PCDHGA4: variants seen among roughly 807,000 people sequenced by gnomAD.
PCDHGA4 encodes protocadherin gamma-A4.
A neutral mutation model predicts 54.6 loss-of-function variants in PCDHGA4; 38 were observed. That is an observed-to-expected ratio of 0.70 (90% CI 0.54 to 0.91). The LOEUF is 0.91. PCDHGA4 is among the 40% of genes least tolerant of loss of function. The pLI is 0.00. For missense variants in PCDHGA4, 1,298 were observed against 1,220.9 expected (o/e 1.06, Z -0.94); for synonymous variants, 511 against 512.9 (o/e 1.00, Z 0.05).
chr5:141,409,720 A>C (rs2095305667), intron 1 of PCDHGA4: 1 of 1,613,176 alleles, frequency 6.2e-7, no homozygotes, highest in Non-Finnish European at 8.5e-7. Context: ...CATACGTGTC[A>C]GTGAGCGCGC....
intron 1 of PCDHGA4, chr5:141,475,986 G>T: frequency 2.8e-6 from 3 of 1,089,866 alleles, no homozygotes; most frequent in Non-Finnish European, 3.9e-6. Context: ...CAGCCGGCGA[G>T]CAAATCAACG....
intron 1 of PCDHGA4, among the ~76,000 whole-genome samples, chr5:141,435,105 G>C (rs1046201852): frequency 2.6e-5 from 4 of 151,940 alleles, no homozygotes; most frequent in African/African-American, 9.7e-5. Flanking sequence ...TATCTAGGGG[G>C]GAGAAATCTA....
In PCDHGA4 at chr5:141,372,016, C is replaced by T. The variant is rs565981965; in HGVS notation, c.2514+14395C>T. 121 of 1,613,374 alleles carry T rather than the reference C, an allele frequency of 7.5e-5. 1 individual carries two copies. The South Asian group carries it at 1.3e-3, about 17-fold the overall frequency. On this transcript the variant is annotated intron_variant, in intron 1 of 3. Coordinates refer to ENST00000571252, the MANE Select transcript of PCDHGA4 (RefSeq NM_018917.4). Reference sequence around the variant, plus strand: ...CAGGCCCGCGACCAGGGCTCGCCTACGCTCAGCGCCAACGTGAGCCTGCGC... The same window carrying T: ...CAGGCCCGCGACCAGGGCTCGCCTATGCTCAGCGCCAACGTGAGCCTGCGC...
At chr5:141,386,476 G>A (rs2090588767) in intron 1 of PCDHGA4, among the ~76,000 whole-genome samples, 1 of 151,552 alleles carries the variant, frequency 6.6e-6, no homozygotes, top group African/African-American at 2.4e-5. Flanking sequence ...AAGAATTGGA[G>A]GCCCACCTAG....
At chr5:141,394,937 C>A in intron 1 of PCDHGA4, 1 of 1,613,806 alleles carries the variant, frequency 6.2e-7, no homozygotes, top group Non-Finnish European at 8.5e-7. Context: ...TCGCCTTTGT[C>A]GCTGTGCTTC....
chr5:141,368,767 T>G (rs1195016367), intron 1 of PCDHGA4, among the ~76,000 whole-genome samples: 1 of 152,172 alleles, frequency 6.6e-6, no homozygotes, highest in East Asian at 1.9e-4. Context: ...ATCTTTAGTT[T>G]TATATGTGTT....
chr5:141,390,781 G>C (rs527538379), intron 1 of PCDHGA4: 97 of 165,826 alleles, frequency 5.8e-4, no homozygotes, highest in Non-Finnish European at 1.1e-3. Flanking sequence ...CTTCCCTTTT[G>C]TTTCAAAAGC....
chr5:141,376,374 G>T lies in PCDHGA4; in HGVS notation c.2514+18753G>T, dbSNP rs561821467. Reference sequence around the variant, plus strand: ...GAGGTCTCACTCACTGCAGACTCGCGTAAGAGTCATCTGATTTTCCCCCAG... The same window carrying T: ...GAGGTCTCACTCACTGCAGACTCGCTTAAGAGTCATCTGATTTTCCCCCAG... On this transcript the variant is annotated intron_variant, in intron 1 of 3. Transcript: ENST00000571252. The T allele has an allele frequency of 2.0e-5, 32 of 1,614,190 alleles. No homozygotes were observed. In the African/African-American group the frequency reaches 3.2e-4, roughly 16 times the overall value.
rs745716373 is a variant in PCDHGA4, at chr5:141,383,166, G to A, written c.2514+25545G>A. 10 of 1,614,130 alleles carry A rather than the reference G, an allele frequency of 6.2e-6. No individual in the cohort carries two copies. In the Admixed American group the frequency reaches 1.3e-4, roughly 22 times the overall value. On this transcript the variant is annotated intron_variant, in intron 1 of 3. Coordinates refer to ENST00000571252, the MANE Select transcript of PCDHGA4 (RefSeq NM_018917.4). ...GCGGCAGCTTGGTCACTGCGGGCAG[G>A]ATAGACCGGGAAGAGATCTGCGCTC...
chr5:141,364,406 C>A, intron 1 of PCDHGA4: 1 of 1,609,568 alleles, frequency 6.2e-7, no homozygotes, highest in East Asian at 2.2e-5. Context: ...GCTGTGCGAG[C>A]CAGGATCCGG....
chr5:141,363,711 G>A (rs1340350758), intron 1 of PCDHGA4, among the ~76,000 whole-genome samples: 1 of 152,188 alleles, frequency 6.6e-6, no homozygotes, highest in Non-Finnish European at 1.5e-5. Context: ...GGCCTGTTTG[G>A]AAAGGTGCAT....
chr5:141,386,913 A>T lies in PCDHGA4; in HGVS notation c.2514+29292A>T, dbSNP rs575520734. On this transcript the variant is annotated intron_variant, in intron 1 of 3. Coordinates refer to ENST00000571252, the MANE Select transcript of PCDHGA4 (RefSeq NM_018917.4). ...TCCTTCAATTCAGAGGTCACCAAGG[A>T]ATGTAAAATAAGTGCAGAGGTAGGA... Among the ~76,000 whole-genome samples the T allele has an allele frequency of 1.0e-3, 156 of 152,358 alleles. 1 individual carries two copies. The Middle Eastern group carries it at 0.017, about 17-fold the overall frequency.
At chr5:141,460,872 T>C (rs2098999714) in intron 1 of PCDHGA4, among the ~76,000 whole-genome samples, 1 of 151,064 alleles carries the variant, frequency 6.6e-6, no homozygotes, top group South Asian at 2.1e-4. Flanking sequence ...GCAAAGGACA[T>C]TATTTCATGC....
intron 1 of PCDHGA4, chr5:141,364,607 G>A (rs775025025): frequency 6.2e-7 from 1 of 1,614,080 alleles, no homozygotes; most frequent in African/African-American, 1.3e-5. Context: ...GATAGACCGG[G>A]AGGAGCTCTG....
In PCDHGA4 at chr5:141,427,967, G is replaced by A. The variant is rs535332244; in HGVS notation, c.2515-66840G>A. On this transcript the variant is annotated intron_variant, in intron 1 of 3. Coordinates refer to ENST00000571252, the MANE Select transcript of PCDHGA4 (RefSeq NM_018917.4). The stretch of plus-strand genomic sequence containing the variant: ...TCAATGACAATGTGCCGCGGGTGCT[G>A]TACCCCGCGCTGGGGCCCGATGGCT... 10 of 1,591,190 alleles carry A rather than the reference G, an allele frequency of 6.3e-6. No individual in the cohort carries two copies. In the East Asian group the frequency reaches 8.9e-5, roughly 14 times the overall value.
At chr5:141,492,673 C>T (rs2099743035) in intron 1 of PCDHGA4, among the ~76,000 whole-genome samples, 1 of 152,250 alleles carries the variant, frequency 6.6e-6, no homozygotes, top group Non-Finnish European at 1.5e-5. Flanking sequence ...GGGACTCCGT[C>T]TCAAGGGTCG....
Position 141,399,560 on chromosome 5 carries a change from G to A in PCDHGA4, c.2514+41939G>A, listed in dbSNP as rs1354621756. The A allele has an allele frequency of 6.8e-6, 11 of 1,613,906 alleles. No homozygotes were observed. The Admixed American group carries it at 1.3e-4, about 20-fold the overall frequency. ...GTCTGCGCCTCGGACCTGGACTTGG[G>A]GTTGAACGGCCAAGTCTCCTACTCT... is the stretch of plus-strand genomic sequence containing the variant. On this transcript the variant is annotated intron_variant, in intron 1 of 3. Coordinates refer to ENST00000571252, the MANE Select transcript of PCDHGA4 (RefSeq NM_018917.4).
intron 1 of PCDHGA4, chr5:141,468,346 AAAAG>A (rs2099164910): frequency 6.8e-6 from 1 of 147,210 alleles, no homozygotes; most frequent in South Asian, 2.2e-4. Flanking sequence ...AAAAAAAAAA[AAAAG>A]AAAGAAAAAA....
intron 1 of PCDHGA4, chr5:141,395,210 A>T (rs200048432): frequency 1.9e-6 from 3 of 1,613,418 alleles, no homozygotes; most frequent in Non-Finnish European, 2.5e-6. Context: ...ATTTTCATGA[A>T]TATAAGAATG....
Sources: allele counts gnomAD v4.1 joint callset (sites outside exome capture counted in the v4.1 genomes callset), GRCh38; gene constraint gnomAD v4.1.1; transcripts MANE v1.5; gene names NCBI Gene and HGNC (gene_info 2026-07-23, HGNC 2026-07-21).